The following EDNRB variants were observed in gnomAD, a reference collection of about 807,000 sequenced individuals.
The protein encoded by EDNRB is Hirschsprung disease 2.
Under a neutral mutation model 46.4 loss-of-function variants are expected in EDNRB, and 18 were observed. The ratio of observed to expected loss-of-function variants is 0.39; its 90% confidence interval spans 0.27 to 0.57. The LOEUF is 0.57. EDNRB is among the 20% of genes least tolerant of loss of function. The pLI is 0.61. For synonymous variants in EDNRB, 213 were observed against 204.9 expected, an observed-to-expected ratio of 1.04 and a Z score of -0.34; for missense variants, 434 against 537.5, an observed-to-expected ratio of 0.81 and a Z score of 1.90.
intron 1 of EDNRB, among the ~76,000 whole-genome samples, chr13:77,973,563 T>A (rs1319559709): frequency 6.6e-5 from 10 of 152,148 alleles, no homozygotes; most frequent in South Asian, 4.1e-4. Flanking sequence ...ATTTTAAAAC[T>A]TGATTAAACC....
chr13:77,942,783 A>G (rs998128303), intron 1 of EDNRB, among the ~76,000 whole-genome samples: 2 of 93,486 alleles, frequency 2.1e-5, no homozygotes, highest in Non-Finnish European at 5.9e-5. Context: ...AAAATGAAAT[A>G]GAGAAAAGAA....
chr13:77,972,455 G>A (rs549101968), intron 1 of EDNRB, among the ~76,000 whole-genome samples: 75 of 152,174 alleles, frequency 4.9e-4, no homozygotes, highest in African/African-American at 1.6e-3. Context: ...AACCAGTCGG[G>A]GCAGTTCATC....
chr13:77,973,883 C>T (rs767964250), intron 1 of EDNRB, among the ~76,000 whole-genome samples: 24 of 151,480 alleles, frequency 1.6e-4, no homozygotes, highest in Non-Finnish European at 3.1e-4. Context: ...TATTTCAGGA[C>T]AAGAATTTAC....
intron 1 of EDNRB, among the ~76,000 whole-genome samples, chr13:77,961,145 G>A (rs1202342807): frequency 2.6e-5 from 4 of 152,058 alleles, no homozygotes; most frequent in East Asian, 1.9e-4. Context: ...AAGACAGAAA[G>A]TTAACAAGGA....
chr13:77,953,876 A>C (rs569171490), intron 1 of EDNRB, among the ~76,000 whole-genome samples: 12 of 152,222 alleles, frequency 7.9e-5, no homozygotes, highest in African/African-American at 1.4e-4. Context: ...AGTTGTTTCC[A>C]ACTGTCCTTT....
At chr13:77,924,615 A>G (rs1403740994), upstream of EDNRB, among the ~76,000 whole-genome samples, 2 of 152,194 alleles carry the variant, frequency 1.3e-5, no homozygotes, top group African/African-American at 2.4e-5. Flanking sequence ...ATACATCTAT[A>G]TTGTTATGTA....
intron 1 of EDNRB, among the ~76,000 whole-genome samples, chr13:77,942,230 GTATTA>G (rs1408732709): frequency 1.3e-5 from 2 of 151,956 alleles, no homozygotes; most frequent in Non-Finnish European, 2.9e-5. Context: ...TTACTGTTTG[GTATTA>G]TATTATGAAG....
Position 77,898,105 on chromosome 13 carries a change from C to A in EDNRB, c.*95G>T. 6.5e-7 allele frequency: 1 copy of A among 1,543,656 alleles called. No individual in the cohort carries two copies. Among genetic ancestry groups the A allele is most frequent in the Non-Finnish European group, 8.7e-7 (1 of 1,145,850 alleles). ...ATTTTAATAGTGTGCTGTGCAAATACATAGTTTTTTGTTTTGTTTTGGCAA... is the reference window on the plus strand; with the variant it reads ...ATTTTAATAGTGTGCTGTGCAAATAAATAGTTTTTTGTTTTGTTTTGGCAA... On this transcript the variant is annotated 3_prime_UTR_variant, in exon 7 of 7. Coordinates refer to ENST00000646607, the MANE Select transcript of EDNRB (RefSeq NM_001122659.3).
chr13:77,973,096 T>C (rs1881784152), intron 1 of EDNRB, among the ~76,000 whole-genome samples: 1 of 152,216 alleles, frequency 6.6e-6, no homozygotes, highest in African/African-American at 2.4e-5. Context: ...AAGCCAAGTA[T>C]ATAATTTTTA....
At chr13:77,905,819 A>G (rs967141944) in intron 1 of EDNRB, among the ~76,000 whole-genome samples, 2 of 152,008 alleles carry the variant, frequency 1.3e-5, no homozygotes, top group Non-Finnish European at 2.9e-5. Flanking sequence ...AGGTACAGCA[A>G]TGAGGCTACT....
In EDNRB at chr13:77,900,333, A is replaced by C. The variant is rs3818416; in HGVS notation, c.1085+188T>G. Among the ~76,000 whole-genome samples the C allele has an allele frequency of 0.75, 113,569 of 151,704 alleles. 42,780 individuals carry two copies. Among genetic ancestry groups the C allele is most frequent in the East Asian group, 0.88 (4,519 of 5,108 alleles). The stretch of plus-strand genomic sequence containing the variant: ...CATCTTGACAACTCTGACTCTCTGT[A>C]CCCAGTGTTCTTCATACCCCCCCTT... On this transcript the variant is annotated intron_variant, in intron 5 of 6. Transcript: ENST00000646607.
intron 1 of EDNRB, among the ~76,000 whole-genome samples, chr13:77,924,820 C>T (rs543648755): frequency 1.1e-4 from 17 of 152,196 alleles, no homozygotes; most frequent in African/African-American, 3.1e-4. Context: ...ATGGGTCTCA[C>T]GAGATCTGAT....
intron 1 of EDNRB, among the ~76,000 whole-genome samples, chr13:77,972,562 G>A (rs753407802): frequency 1.3e-5 from 2 of 152,102 alleles, no homozygotes; most frequent in African/African-American, 2.4e-5. Context: ...GGTCTTTATC[G>A]AAATCTCCCC....
intron 1 of EDNRB, among the ~76,000 whole-genome samples, chr13:77,935,346 A>G (rs941836306): frequency 5.1e-4 from 77 of 152,322 alleles, no homozygotes; most frequent in African/African-American, 1.8e-3. Context: ...AAAAGGGTTC[A>G]GATGAGTCAG....
chr13:77,896,511 AT>A lies in EDNRB; in HGVS notation c.*1688del. 6.3e-7 allele frequency: 1 copy of A among 1,580,058 alleles called. No homozygotes were observed. Among genetic ancestry groups the A allele is most frequent in the Non-Finnish European group, 8.6e-7 (1 of 1,160,898 alleles). ...GGTTTACTGTACCATCACATTCAAT[AT>A]TGACAGAAAACAACATTACTAGCTT... is the stretch of plus-strand genomic sequence containing the variant. On this transcript the variant is annotated 3_prime_UTR_variant, in exon 7 of 7. Coordinates refer to ENST00000646607, the MANE Select transcript of EDNRB (RefSeq NM_001122659.3).
chr13:77,917,636 C>T (rs1879876433), intron 1 of EDNRB, among the ~76,000 whole-genome samples: 1 of 152,138 alleles, frequency 6.6e-6, no homozygotes, highest in African/African-American at 2.4e-5. Context: ...AGAGGATGTA[C>T]CCCATTAGGT....
At chr13:77,972,960 C>T (rs538256277) in intron 1 of EDNRB, among the ~76,000 whole-genome samples, 4 of 152,188 alleles carry the variant, frequency 2.6e-5, no homozygotes, top group African/African-American at 9.6e-5. Context: ...AAGTAGGGTC[C>T]TTCCCAGGCT....
upstream of EDNRB, chr13:77,919,740 G>T (rs372569874): frequency 1.2e-5 from 11 of 892,802 alleles, no homozygotes; most frequent in South Asian, 8.8e-5. Context: ...GGCAGTCCTC[G>T]TCCGGGGACA....
Position 77,963,825 on chromosome 13 carries a change from A to G in EDNRB, c.-52+11522T>C, listed in dbSNP as rs1364380417. Among the ~76,000 whole-genome samples, 190 of 152,250 alleles carry G rather than the reference A, an allele frequency of 1.2e-3. 4 individuals are homozygous for G. The highest frequency in any genetic ancestry group is 1.4e-4 in the African/African-American group (6 of 41,576). The stretch of plus-strand genomic sequence containing the variant: ...CAGCAAAAGAAACTACCATCAGAGT[A>G]AACAGGCAACCTACAGAATGGGAGA... On this transcript the variant is annotated intron_variant, in intron 1 of 7. Transcript: ENST00000646948.
Sources: gnomAD v4.1 joint callset for allele counts (sites outside exome capture counted in the v4.1 genomes callset) on GRCh38, gnomAD v4.1.1 for gene constraint, MANE v1.5 for transcripts, NCBI Gene and HGNC (gene_info 2026-07-23, HGNC 2026-07-21) for gene names.